The following ZNF91 variants were observed in gnomAD, a reference collection of about 807,000 sequenced individuals.
The protein encoded by ZNF91 is zinc finger protein 91 (HPF7, HTF10).
In ZNF91, 7 loss-of-function variants were observed where a neutral mutation model predicts 12.6. The observed-to-expected ratio is 0.55, with a 90% CI of 0.31 to 1.04. ZNF91 has a LOEUF of 1.04. Among genes scored for constraint, ZNF91 ranks in the 50% least tolerant of loss-of-function variants. The pLI, the probability that ZNF91 is intolerant of heterozygous loss-of-function variation, is 0.05. For synonymous variants in ZNF91, 453 were observed against 462.6 expected (o/e 0.98, Z 0.27); for missense variants, 1,217 against 1,385.4 (o/e 0.88, Z 1.93).
chr19:23,309,370 C>T (rs985164749), intron 1 of ZNF91, among the ~76,000 whole-genome samples: 15 of 152,160 alleles, frequency 9.9e-5, no homozygotes, highest in African/African-American at 3.4e-4. Context: ...GTGGAACCCA[C>T]GAACCAGGTG....
At chr19:23,373,337 CATGTA>C (rs1969356454) in intron 3 of ZNF91, among the ~76,000 whole-genome samples, 1 of 118,712 alleles carries the variant, frequency 8.4e-6, no homozygotes, top group Non-Finnish European at 1.7e-5. Context: ...TTTTGTAGAT[CATGTA>C]ATCTTATATA....
downstream of ZNF91, among the ~76,000 whole-genome samples, chr19:23,336,984 GTTTAA>G (rs1968022322): frequency 1.3e-5 from 2 of 152,174 alleles, no homozygotes; most frequent in East Asian, 1.9e-4. Flanking sequence ...TAGTGGTTGT[GTTTAA>G]TTTATTTATA....
chr19:23,343,222 A>C (rs1051509429), intron 3 of ZNF91, among the ~76,000 whole-genome samples: 1 of 152,208 alleles, frequency 6.6e-6, no homozygotes, highest in African/African-American at 2.4e-5. Flanking sequence ...GTAAGTTAGA[A>C]GGTACCTCTC....
rs768677094 is a variant in ZNF91, at chr19:23,360,151, C to A, written c.2828G>T (p.Cys943Phe). The change falls in exon 4 of 4, where the codon TGT becomes TTT. Residue 943 changes from cysteine to phenylalanine, a missense_variant. Cys to Phe is a radical substitution (Grantham distance 205). This residue lies in a region of ZNF91 where 491 missense variants were observed against 489.8 expected (regional missense o/e 1.00). Transcript: ENST00000300619. The stretch of plus-strand genomic sequence containing the variant: ...TGAGGATTGGCTAAAAGCTTTGCCA[C>A]ATTCTTCACATTTGTAGGGTTTCTC... The part of the protein sequence containing the change: ...TGEKPYKCEE[C>F]GKAFSQSSTL... The A allele has an allele frequency of 6.2e-7, 1 of 1,613,856 alleles. No homozygotes were observed. The highest frequency in any genetic ancestry group is 1.7e-5 in the Admixed American group (1 of 60,024).
chr19:23,342,038 A>G (rs976371029), intron 3 of ZNF91: 2 of 303,686 alleles, frequency 6.6e-6, no homozygotes, highest in Non-Finnish European at 1.2e-5. Context: ...TTTGGGAGCT[A>G]GAGAAATAAA....
chr19:23,334,077 C>A (rs562874160), downstream of ZNF91, among the ~76,000 whole-genome samples: 6 of 152,260 alleles, frequency 3.9e-5, no homozygotes, highest in Admixed American at 3.9e-4. Flanking sequence ...AGGTGATACC[C>A]TCAAATGTAC....
At chr19:23,348,548 T>C (rs1156388192) in intron 3 of ZNF91, among the ~76,000 whole-genome samples, 1 of 152,238 alleles carries the variant, frequency 6.6e-6, no homozygotes, top group African/African-American at 2.4e-5. Flanking sequence ...AGGATGTATG[T>C]TGCCTCAGGA....
chr19:23,377,268 T>C (rs947733512), intron 1 of ZNF91, among the ~76,000 whole-genome samples: 1 of 152,238 alleles, frequency 6.6e-6, no homozygotes, highest in African/African-American at 2.4e-5. Flanking sequence ...TACTTGATTC[T>C]GGCACCTTAG....
intron 1 of ZNF91, among the ~76,000 whole-genome samples, chr19:23,323,659 CTT>C: frequency 8.6e-6 from 1 of 116,346 alleles, no homozygotes; most frequent in East Asian, 5.1e-4. Flanking sequence ...TCTCCTCCTC[CTT>C]TCCTCTTCTC....
upstream of ZNF91, among the ~76,000 whole-genome samples, chr19:23,312,714 T>C (rs2438153): frequency 0.1 from 15,780 of 152,222 alleles, 1,257 homozygotes; most frequent in East Asian, 0.37. Flanking sequence ...ACTCTCATAC[T>C]TGGGCTTAAG....
chr19:23,359,846 T>C lies in ZNF91; in HGVS notation c.3133A>G (p.Thr1045Ala). Residue 1045 changes from threonine to alanine, a missense_variant, in exon 4 of 4, where the codon ACT (threonine) becomes GCT (alanine). Physicochemically the swap from Thr to Ala is moderately conservative, Grantham distance 58. Around this residue, in one of 2 missense-constraint regions of ZNF91, gnomAD observed 491 missense variants for 489.8 expected, o/e 1.00. Coordinates refer to ENST00000300619, the MANE Select transcript of ZNF91 (RefSeq NM_003430.4). ...SKLTTHKIIH[T>A]GEKPYKCEEC... ...TCACACTTGTAAGGTTTCTCTCCAG[T>C]ATGAATTATCTTATGTGTAGTAAGC... is the stretch of plus-strand genomic sequence containing the variant. The C allele has an allele frequency of 1.2e-6, 2 of 1,613,742 alleles. No individual in the cohort carries two copies. Among genetic ancestry groups the C allele is most frequent in the Non-Finnish European group, 1.7e-6 (2 of 1,179,778 alleles).
intron 1 of ZNF91, among the ~76,000 whole-genome samples, chr19:23,322,764 T>G: frequency 7.1e-6 from 1 of 141,258 alleles, no homozygotes; most frequent in Non-Finnish European, 1.5e-5. Flanking sequence ...TCCTGCTCCT[T>G]TTTCTTTCTC....
downstream of ZNF91, among the ~76,000 whole-genome samples, chr19:23,336,137 T>G (rs907900677): frequency 1.3e-5 from 2 of 152,214 alleles, no homozygotes; most frequent in Admixed American, 1.3e-4. Context: ...TATAGTAATT[T>G]TAACTAATAT....
intron 1 of ZNF91, among the ~76,000 whole-genome samples, chr19:23,323,229 C>G (rs1967748826): frequency 6.8e-6 from 1 of 146,766 alleles, no homozygotes; most frequent in Non-Finnish European, 1.5e-5. Context: ...CCTTTCTCTC[C>G]TTCTTCTCCT....
At chr19:23,383,825 C>T (rs1008945839) in intron 1 of ZNF91, among the ~76,000 whole-genome samples, 29 of 151,998 alleles carry the variant, frequency 1.9e-4, no homozygotes, top group Non-Finnish European at 3.7e-4. Context: ...AAATAAAAGG[C>T]ATTTGGCTGG....
intron 1 of ZNF91, among the ~76,000 whole-genome samples, chr19:23,388,789 G>C (rs1395406019): frequency 2.0e-5 from 3 of 152,126 alleles, no homozygotes; most frequent in African/African-American, 4.8e-5. Context: ...ATGGAGAATT[G>C]CTTGAACCCA....
chr19:23,322,768 C>A (rs1255095057), intron 1 of ZNF91, among the ~76,000 whole-genome samples: 1 of 143,522 alleles, frequency 7.0e-6, no homozygotes, highest in Non-Finnish European at 1.5e-5. Context: ...GCTCCTTTTT[C>A]TTTCTCCCCT....
downstream of ZNF91, among the ~76,000 whole-genome samples, chr19:23,355,325 C>CA (rs1300157674): frequency 6.6e-6 from 1 of 152,004 alleles, no homozygotes; most frequent in African/African-American, 2.4e-5. Flanking sequence ...AAGCAATCTT[C>CA]AAAAAAGCAA....
At chr19:23,383,557 G>A (rs542966766) in intron 1 of ZNF91, among the ~76,000 whole-genome samples, 11 of 151,972 alleles carry the variant, frequency 7.2e-5, no homozygotes, top group South Asian at 2.1e-4. Context: ...GTGTGGTGGC[G>A]GGTGCCTGTA....
Sources: gnomAD v4.1 joint callset for allele counts (sites outside exome capture counted in the v4.1 genomes callset) on GRCh38, gnomAD v4.1.1 for gene constraint, gnomAD v4.1.1 regional missense constraint, MANE v1.5 for transcripts, NCBI Gene and HGNC (gene_info 2026-07-23, HGNC 2026-07-21) for gene names.